GNG2: variants seen among roughly 807,000 people sequenced by gnomAD.
GNG2 encodes the protein G protein subunit gamma 2.
A neutral mutation model predicts 5.5 loss-of-function variants in GNG2; 5 were observed. The observed-to-expected ratio is 0.91, with a 90% confidence interval of 0.48 to 1.92. The LOEUF (loss-of-function observed/expected upper bound fraction) is 1.92. Among genes scored for constraint, GNG2 ranks in the 30% most tolerant of loss-of-function variants. The pLI is 0.01. For missense variants in GNG2, 55 were observed against 88.4 expected, an observed-to-expected ratio of 0.62 and a Z score of 1.52; for synonymous variants, 28 against 32.0, an observed-to-expected ratio of 0.88 and a Z score of 0.42.
In GNG2 at chr14:51,851,355, G is replaced by A. The variant is rs560937614; in HGVS notation, c.64+23548G>A. On this transcript the variant is annotated intron_variant, in intron 2 of 3. Coordinates refer to the GNG2 transcript ENST00000553432. ...ATGCTTTGATCATAAGATGCACTTC[G>A]TATCACCATCAGCTTTTGACCCAAT... Among the ~76,000 whole-genome samples, 7 of 152,300 alleles carry A rather than the reference G, an allele frequency of 4.6e-5. No homozygotes were observed. The South Asian group carries it at 1.0e-3, about 23-fold the overall frequency.
rs562041542 is a variant in GNG2 at position 51,937,437 on chromosome 14, C to G, written c.-29-13213C>G. Among the ~76,000 whole-genome samples, 143 of 152,056 alleles carry G rather than the reference C, an allele frequency of 9.4e-4. 2 individuals carry two copies. Among genetic ancestry groups the G allele is most frequent in the Admixed American group, 1.2e-3 (19 of 15,286 alleles). Reference sequence around the variant, plus strand: ...ATGTATATTAGTTAATATTTCCTTCCCTGCATGATATCAGACACAAAAATG... The same window carrying G: ...ATGTATATTAGTTAATATTTCCTTCGCTGCATGATATCAGACACAAAAATG... On this transcript the variant is annotated intron_variant, in intron 2 of 3. Coordinates refer to ENST00000556766, the MANE Select transcript of GNG2 (RefSeq NM_053064.5).
chr14:51,953,886 G>A (rs1889125587), intron 3 of GNG2, among the ~76,000 whole-genome samples: 1 of 152,200 alleles, frequency 6.6e-6, no homozygotes, highest in Non-Finnish European at 1.5e-5. Context: ...TTTCCAGTGA[G>A]AGTAGTGACC....
chr14:51,881,955 A>AT (rs1441895394), intron 2 of GNG2, among the ~76,000 whole-genome samples: 1 of 151,994 alleles, frequency 6.6e-6, no homozygotes, highest in Non-Finnish European at 1.5e-5. Context: ...TCCTGGTTTC[A>AT]TTTTGCTAAG....
intron 2 of GNG2, among the ~76,000 whole-genome samples, chr14:51,845,687 A>G (rs755157210): frequency 6.6e-6 from 1 of 152,146 alleles, no homozygotes; most frequent in Non-Finnish European, 1.5e-5. Context: ...AGATGTCAGA[A>G]TATCAAAAGC....
At chr14:51,963,776 T>G (rs1268690602) in intron 3 of GNG2, among the ~76,000 whole-genome samples, 1 of 152,192 alleles carries the variant, frequency 6.6e-6, no homozygotes, top group East Asian at 1.9e-4. Flanking sequence ...ATTTTTCATC[T>G]ATAAAAAGAG....
intron 3 of GNG2, among the ~76,000 whole-genome samples, chr14:51,965,914 A>G (rs1368869700): frequency 6.6e-6 from 1 of 152,058 alleles, no homozygotes; most frequent in African/African-American, 2.4e-5. Flanking sequence ...ATCGGAGCAC[A>G]AAAGTGAAGG....
chr14:51,939,184 C>CT (rs1888176823), intron 2 of GNG2, among the ~76,000 whole-genome samples: 1 of 152,182 alleles, frequency 6.6e-6, no homozygotes, highest in Non-Finnish European at 1.5e-5. Context: ...CACCTAGCGT[C>CT]TAAGAATGCC....
At chr14:51,828,273 G>T (rs572629158) in intron 2 of GNG2, among the ~76,000 whole-genome samples, 1 of 152,184 alleles carries the variant, frequency 6.6e-6, no homozygotes, top group African/African-American at 2.4e-5. Context: ...CCTGGTCTGC[G>T]GTGAGCGCTT....
At chr14:51,828,920 C>T (rs1881107853) in intron 2 of GNG2, among the ~76,000 whole-genome samples, 2 of 152,152 alleles carry the variant, frequency 1.3e-5, no homozygotes, top group Non-Finnish European at 2.9e-5. Flanking sequence ...GTGACAGGCC[C>T]TCTGTCTCAA....
At chr14:51,943,372 C>G (rs1888458550) in intron 2 of GNG2, among the ~76,000 whole-genome samples, 2 of 152,088 alleles carry the variant, frequency 1.3e-5, no homozygotes, top group South Asian at 4.1e-4. Flanking sequence ...AACCTTTATT[C>G]TCTCTTAAAA....
At chr14:51,900,831 A>G (rs1885501844) in intron 2 of GNG2, among the ~76,000 whole-genome samples, 1 of 152,152 alleles carries the variant, frequency 6.6e-6, no homozygotes, top group Admixed American at 6.5e-5. Flanking sequence ...TCATGATTGA[A>G]TAAAAGTAAT....
upstream of GNG2, among the ~76,000 whole-genome samples, chr14:51,855,860 G>A (rs1343403436): frequency 6.6e-6 from 1 of 152,130 alleles, no homozygotes; most frequent in African/African-American, 2.4e-5. Flanking sequence ...GGAAGAAAAA[G>A]TAGGGAGGGC....
upstream of GNG2, among the ~76,000 whole-genome samples, chr14:51,859,537 CTAT>C (rs1488347814): frequency 1.3e-5 from 2 of 152,302 alleles, no homozygotes; most frequent in South Asian, 2.1e-4. Flanking sequence ...ATCCCCAGAA[CTAT>C]TATTAGCACC....
chr14:51,932,881 A>G (rs1887747285), intron 2 of GNG2, among the ~76,000 whole-genome samples: 6 of 150,016 alleles, frequency 4.0e-5, no homozygotes, highest in Admixed American at 3.3e-4. Flanking sequence ...CAGTTATTCT[A>G]GATTATCCTG....
intron 3 of GNG2, among the ~76,000 whole-genome samples, chr14:51,957,761 G>A (rs551129389): frequency 1.3e-5 from 2 of 152,268 alleles, no homozygotes; most frequent in East Asian, 3.9e-4. Flanking sequence ...GTCTGGCACA[G>A]TTCTTTAGAC....
At chr14:51,902,914 C>G (rs1247008905) in intron 2 of GNG2, among the ~76,000 whole-genome samples, 1 of 144,104 alleles carries the variant, frequency 6.9e-6, no homozygotes, top group East Asian at 1.9e-4. Flanking sequence ...AAAATAAAAT[C>G]CAATGCAGGA....
intron 2 of GNG2, among the ~76,000 whole-genome samples, chr14:51,880,007 AGG>A (rs2140138744): frequency 6.6e-6 from 1 of 152,352 alleles, no homozygotes; most frequent in Non-Finnish European, 1.5e-5. Flanking sequence ...TAAAACATTA[AGG>A]TTTCCAACTT....
chr14:51,826,890 A>G (rs866867303), intron 1 of GNG2, among the ~76,000 whole-genome samples: 1 of 152,210 alleles, frequency 6.6e-6, no homozygotes, highest in Admixed American at 6.5e-5. Context: ...TAGGCACAGA[A>G]TGAGATGGCT....
intron 2 of GNG2, among the ~76,000 whole-genome samples, chr14:51,938,686 G>A (rs1204080312): frequency 6.6e-6 from 1 of 152,146 alleles, no homozygotes; most frequent in Admixed American, 6.5e-5. Context: ...ACACAGTGAT[G>A]GCAAACAGTG....
Sources: gnomAD v4.1 joint callset for allele counts (sites outside exome capture counted in the v4.1 genomes callset) on GRCh38, gnomAD v4.1.1 for gene constraint, MANE v1.5 for transcripts, NCBI Gene and HGNC (gene_info 2026-07-23, HGNC 2026-07-21) for gene names.